Variants in XKR4 observed in about 807,000 individuals in gnomAD.
XKR4 encodes the protein XK-related protein 4.
Under a neutral mutation model 53.9 loss-of-function variants are expected in XKR4, and 12 were observed. The observed-to-expected ratio is 0.22, with a 90% CI of 0.14 to 0.36. The LOEUF (loss-of-function observed/expected upper bound fraction) is 0.36, where lower values mean the gene tolerates loss of function less well. XKR4 is among the 10% of genes least tolerant of loss of function. The pLI is 1.00. For synonymous variants in XKR4, 354 were observed against 362.4 expected, an observed-to-expected ratio of 0.98 and a Z score of 0.26; for missense variants, 799 against 859.5, an observed-to-expected ratio of 0.93 and a Z score of 0.88.
chr8:55,304,891 C>A (rs1381935796), intron 1 of XKR4, among the ~76,000 whole-genome samples: 1 of 151,760 alleles, frequency 6.6e-6, no homozygotes, highest in African/African-American at 2.4e-5. Context: ...TATGTGCAGA[C>A]ACTTTATTAC....
chr8:55,203,073 G>A (rs11985593), intron 1 of XKR4, among the ~76,000 whole-genome samples: 17,533 of 152,252 alleles, frequency 0.12, 1,785 homozygotes, highest in African/African-American at 0.27. Flanking sequence ...TTGGTAAAAT[G>A]TGGGGTAAGG....
chr8:55,230,683 A>C (rs923348519), intron 1 of XKR4, among the ~76,000 whole-genome samples: 3 of 152,184 alleles, frequency 2.0e-5, no homozygotes, highest in Admixed American at 6.5e-5. Context: ...AGACATTTTA[A>C]TCTTGAAAAG....
At chr8:55,491,021 C>T (rs1806265027) in intron 2 of XKR4, among the ~76,000 whole-genome samples, 2 of 150,854 alleles carry the variant, frequency 1.3e-5, no homozygotes, top group South Asian at 4.2e-4. Flanking sequence ...ATGGGTTTTT[C>T]CAGCCTTTTT....
Position 55,102,396 on chromosome 8 carries a change from G to C in XKR4, c.-93G>C. On this transcript the variant is annotated 5_prime_UTR_variant, in exon 1 of 3. Transcript: ENST00000327381. This position sits in a 1 kb window ranked among gnomAD's most constrained non-coding sequence, Gnocchi z 5.1. ...GAGGGGGAGCCGCACCGCCTGGGAGGGAAGCCGGGGCGAGGCGAGGAGGTG... is the reference window on the plus strand; with the variant it reads ...GAGGGGGAGCCGCACCGCCTGGGAGCGAAGCCGGGGCGAGGCGAGGAGGTG... The C allele has an allele frequency of 7.1e-7, 1 of 1,406,160 alleles. No individual in the cohort carries two copies. Among genetic ancestry groups the C allele is most frequent in the East Asian group, 3.0e-5 (1 of 33,022 alleles). The allele number at this position is 1,406,160 out of a possible 1,614,324, so 87.1% of individuals were successfully genotyped here.
At chr8:55,358,054 A>G (rs1803845657) in intron 2 of XKR4, among the ~76,000 whole-genome samples, 177 bp downstream of exon 2, 1 of 152,204 alleles carries the variant, frequency 6.6e-6, no homozygotes, top group Non-Finnish European at 1.5e-5. Flanking sequence ...CTCATGACTG[A>G]TTAATTGAAA....
chr8:55,331,348 T>C (rs1585524491), intron 1 of XKR4, among the ~76,000 whole-genome samples: 1 of 152,364 alleles, frequency 6.6e-6, no homozygotes, highest in South Asian at 2.1e-4. Flanking sequence ...TTTAAATTTA[T>C]TGAGACTTGT....
At chr8:55,241,471 T>A (rs959749184) in intron 1 of XKR4, among the ~76,000 whole-genome samples, 1 of 147,720 alleles carries the variant, frequency 6.8e-6, no homozygotes, top group African/African-American at 2.4e-5. Context: ...CCCAGGCACA[T>A]GACCAATCCC....
chr8:55,307,601 C>A (rs1367914337), intron 1 of XKR4, among the ~76,000 whole-genome samples: 1 of 152,034 alleles, frequency 6.6e-6, no homozygotes, highest in East Asian at 1.9e-4. Flanking sequence ...CTGTAGTGAG[C>A]TGTGATTGTA....
chr8:55,482,089 A>G (rs1360905431), intron 2 of XKR4, among the ~76,000 whole-genome samples: 2 of 152,222 alleles, frequency 1.3e-5, no homozygotes, highest in African/African-American at 2.4e-5. Flanking sequence ...ATAAAGACAC[A>G]TGCACACGTA....
intron 1 of XKR4, among the ~76,000 whole-genome samples, chr8:55,259,049 T>A (rs1007940790): frequency 2.9e-4 from 44 of 152,222 alleles, no homozygotes; most frequent in African/African-American, 1.0e-3. Flanking sequence ...TGTCCCTGCC[T>A]GCAGGGAAAA....
At chr8:55,326,631 T>C (rs1486745425) in intron 1 of XKR4, among the ~76,000 whole-genome samples, 5 of 151,488 alleles carry the variant, frequency 3.3e-5, no homozygotes, top group Admixed American at 2.6e-4. Flanking sequence ...CCACTGTGCC[T>C]GGATAATTTT....
intron 1 of XKR4, among the ~76,000 whole-genome samples, chr8:55,170,815 C>T (rs912217761): frequency 3.9e-5 from 6 of 152,154 alleles, no homozygotes; most frequent in African/African-American, 1.4e-4. Flanking sequence ...TAAAGTTTTC[C>T]TCTGACTTTC....
At chr8:55,405,790 A>G (rs1432655179) in intron 2 of XKR4, among the ~76,000 whole-genome samples, 3 of 152,234 alleles carry the variant, frequency 2.0e-5, no homozygotes, top group African/African-American at 7.2e-5. Context: ...GAGACATTTT[A>G]CAATGATCAT....
At chr8:55,270,375 C>A (rs578167112) in intron 1 of XKR4, among the ~76,000 whole-genome samples, 1 of 152,234 alleles carries the variant, frequency 6.6e-6, no homozygotes, top group East Asian at 1.9e-4. Flanking sequence ...CTTCAAGTGT[C>A]ATCTCAAATG....
chr8:55,128,403 C>T (rs116161081), intron 1 of XKR4, among the ~76,000 whole-genome samples: 6,785 of 152,274 alleles, frequency 0.045, 174 homozygotes, highest in Middle Eastern at 0.075. Flanking sequence ...AAGCATCCCA[C>T]TGAGAGGTAA....
intron 1 of XKR4, among the ~76,000 whole-genome samples, chr8:55,307,862 A>G (rs543889238): frequency 2.0e-5 from 3 of 152,334 alleles, no homozygotes; most frequent in Non-Finnish European, 4.4e-5. Context: ...GGAATGGAGA[A>G]TGGTAGAGCC....
At chr8:55,177,993 AAATT>A (rs1817255977) in intron 1 of XKR4, among the ~76,000 whole-genome samples, 1 of 152,188 alleles carries the variant, frequency 6.6e-6, no homozygotes, top group Non-Finnish European at 1.5e-5. Flanking sequence ...AGGTGCTCCA[AAATT>A]TATATTATTA....
Position 55,525,130 on chromosome 8 carries a change from T to C in XKR4, c.*903T>C, listed in dbSNP as rs1405347900. On this transcript the variant is annotated 3_prime_UTR_variant, in exon 3 of 3. Coordinates refer to ENST00000327381, the MANE Select transcript of XKR4 (RefSeq NM_052898.2). ...AGCGCCCATTGGGACATAACGGCAG[T>C]GCGGCGCGAGCCAGAGGAATGGGCT... 6.6e-6 allele frequency: 1 copy of C among 152,544 alleles called. No individual in the cohort carries two copies. The highest frequency in any genetic ancestry group is 1.9e-4 in the East Asian group (1 of 5,198). The allele number at this position is 152,544 out of a possible 1,614,324, so 9.4% of individuals were successfully genotyped here.
chr8:55,399,652 T>C (rs1240949436), intron 2 of XKR4, among the ~76,000 whole-genome samples: 1 of 152,206 alleles, frequency 6.6e-6, no homozygotes, highest in Non-Finnish European at 1.5e-5. Context: ...ACAAGGAAAC[T>C]GTTCACAGCT....
Sources: allele counts gnomAD v4.1 joint callset (sites outside exome capture counted in the v4.1 genomes callset), GRCh38; gene constraint gnomAD v4.1.1; non-coding constraint Gnocchi (gnomAD v3.1); transcripts MANE v1.5; gene names NCBI Gene and HGNC (gene_info 2026-07-23, HGNC 2026-07-21).